SUSD6: variants seen among roughly 807,000 people sequenced by gnomAD.
SUSD6 encodes sushi domain containing 6.
SUSD6 carries 16 observed loss-of-function variants against 28.4 expected under a neutral mutation model. The observed-to-expected ratio is 0.56, with a 90% CI of 0.38 to 0.86. The LOEUF (loss-of-function observed/expected upper bound fraction) is 0.86. SUSD6 is among the 40% of genes least tolerant of loss of function. SUSD6 has a pLI of 0.00. For missense variants in SUSD6, 341 were observed against 384.2 expected (o/e 0.89, Z 0.94); for synonymous variants, 147 against 159.6 (o/e 0.92, Z 0.59).
At position 69,659,548 on chromosome 14, in the gene SUSD6, C is replaced by T. The variant is rs58658815; in HGVS notation, c.121+835C>T. ...TTGTTTGTTTGTTTTCAGAGAGTCT[C>T]ACCCTGTTGTCCAGGCTGGAGTGCA... is the stretch of plus-strand genomic sequence containing the variant. On this transcript the variant is annotated intron_variant, in intron 2 of 5. Transcript: ENST00000342745. Among the ~76,000 whole-genome samples, 1,136 of 152,272 alleles carry T rather than the reference C, an allele frequency of 7.5e-3. 20 individuals carry two copies. The highest frequency in any genetic ancestry group is 0.026 in the African/African-American group (1,078 of 41,540).
intron 2 of SUSD6, among the ~76,000 whole-genome samples, chr14:69,689,790 C>T (rs1400805182): frequency 2.6e-5 from 4 of 152,166 alleles, no homozygotes; most frequent in Admixed American, 6.5e-5. Flanking sequence ...CAAGCCCTCC[C>T]GAGTAGCTGG....
rs191943253 is a variant in SUSD6, at chr14:69,683,360, T to G, written c.122-20035T>G. ...GGTAAAGGTGGGCATTCTGCCCTTTTGAGGAGCTCATGAGGAGGACCATGT... is the reference window on the plus strand; with the variant it reads ...GGTAAAGGTGGGCATTCTGCCCTTTGGAGGAGCTCATGAGGAGGACCATGT... On this transcript the variant is annotated intron_variant, in intron 2 of 5. Transcript: ENST00000342745. Among the ~76,000 whole-genome samples the G allele has an allele frequency of 2.0e-5, 3 of 152,330 alleles. No homozygotes were observed. In the East Asian group the frequency reaches 5.8e-4, roughly 29 times the overall value.
At chr14:69,653,898 T>C (rs11620826) in intron 1 of SUSD6, among the ~76,000 whole-genome samples, 10,830 of 152,176 alleles carry the variant, frequency 0.071, 481 homozygotes, top group East Asian at 0.15. Flanking sequence ...GGTTCTCCCA[T>C]TCTGGGCAAT....
chr14:69,670,530 G>A (rs1258347620), intron 2 of SUSD6: 1 of 456,564 alleles, frequency 2.2e-6, no homozygotes, highest in Non-Finnish European at 4.4e-6. Context: ...ACGAGTATGG[G>A]GAGACAAGGT....
chr14:69,697,573 G>A (rs1196246423), intron 2 of SUSD6, among the ~76,000 whole-genome samples: 1 of 152,128 alleles, frequency 6.6e-6, no homozygotes, highest in African/African-American at 2.4e-5. Flanking sequence ...AAAATATTAA[G>A]ATTAATTTCA....
chr14:69,650,541 C>T lies in SUSD6; in HGVS notation c.-80-7972C>T, dbSNP rs1464391415. Among the ~76,000 whole-genome samples, 5 of 152,126 alleles carry T rather than the reference C, an allele frequency of 3.3e-5. No homozygotes were observed. In the East Asian group the frequency reaches 9.6e-4, roughly 29 times the overall value. ...AGCAAAGTGCTTGTCCAAGGTTGGC[C>T]CCTCAGTCATGTTGAAGCTGGGTTT... On this transcript the variant is annotated intron_variant, in intron 1 of 5. Transcript: ENST00000342745.
At position 69,703,517 on chromosome 14, in the gene SUSD6, G is replaced by A; in HGVS notation, c.244G>A (p.Gly82Ser). The A allele has an allele frequency of 6.2e-7, 1 of 1,614,180 alleles. No individual in the cohort carries two copies. The highest frequency in any genetic ancestry group is 8.5e-7 in the Non-Finnish European group (1 of 1,180,016). Reference sequence around the variant, plus strand: ...GTGTGCTGAAGGCTACATGTTGAAGGGCGATTACAAATACCTGACGTGTAA... The same window carrying A: ...GTGTGCTGAAGGCTACATGTTGAAGAGCGATTACAAATACCTGACGTGTAA... ...YLCAEGYMLK[G>S]DYKYLTCKNG... The change falls in exon 3 of 6, where the codon GGC (glycine) becomes AGC (serine). Residue 82 changes from glycine (G) to serine (S), a missense_variant. Gly to Ser is a moderately conservative substitution (Grantham distance 56). Coordinates refer to ENST00000342745, the MANE Select transcript of SUSD6 (RefSeq NM_014734.4).
intron 2 of SUSD6, among the ~76,000 whole-genome samples, chr14:69,698,414 C>T (rs1415419899): frequency 1.3e-5 from 2 of 152,194 alleles, no homozygotes; most frequent in African/African-American, 2.4e-5. Context: ...AGGCTGCATG[C>T]ATGTCACACT....
chr14:69,635,086 A>G (rs1450658988), intron 1 of SUSD6, among the ~76,000 whole-genome samples: 1 of 152,148 alleles, frequency 6.6e-6, no homozygotes, highest in Non-Finnish European at 1.5e-5. Context: ...AGATGATGAT[A>G]ATGTTGATGA....
At chr14:69,660,677 C>A (rs879317194) in intron 2 of SUSD6, among the ~76,000 whole-genome samples, 1 of 152,238 alleles carries the variant, frequency 6.6e-6, no homozygotes, top group Non-Finnish European at 1.5e-5. Flanking sequence ...TACCTGCCAT[C>A]TGCTTTTGTA....
intron 2 of SUSD6, among the ~76,000 whole-genome samples, chr14:69,669,179 G>A (rs916058285): frequency 3.4e-5 from 5 of 147,258 alleles, no homozygotes; most frequent in East Asian, 4.2e-4. Context: ...TTCTCCTGCC[G>A]CAGCCTCCCA....
chr14:69,611,779 G>C lies in SUSD6; in HGVS notation c.-130G>C, dbSNP rs1427215918. On this transcript the variant is annotated 5_prime_UTR_variant, in exon 1 of 6. Transcript: ENST00000342745. The stretch of plus-strand genomic sequence containing the variant: ...AGACTGCGGGCGCGCGCAAGCGGCG[G>C]CGTGGAAGCTGTGAGCGCCCCCATC... 6.6e-6 allele frequency: 1 copy of C among 151,594 alleles called. No individual in the cohort carries two copies. The highest frequency in any genetic ancestry group is 1.5e-5 in the Non-Finnish European group (1 of 67,802). The allele number at this position is 151,594 out of a possible 1,614,324, so 9.4% of individuals were successfully genotyped here.
Position 69,699,195 on chromosome 14 carries a change from T to TTTTTC in SUSD6, c.122-4180_122-4176dup, listed in dbSNP as rs199506196. 1.3e-4 allele frequency among the ~76,000 whole-genome samples: 20 copies of TTTTTC among 152,272 alleles called. 1 individual carries two copies. Among genetic ancestry groups the TTTTTC allele is most frequent in the South Asian group, 6.2e-4 (3 of 4,822 alleles). ...GAGGATCATATTTTTTCATGTGTTC[T>TTTTTC]TTTTCTTTTCTTTTCTTTTCTTTTT... On this transcript the variant is annotated intron_variant, in intron 2 of 5. Transcript: ENST00000342745.
intron 1 of SUSD6, among the ~76,000 whole-genome samples, chr14:69,614,181 C>T (rs887066267): frequency 6.6e-6 from 1 of 152,208 alleles, no homozygotes; most frequent in African/African-American, 2.4e-5. Context: ...GATTCTCTGC[C>T]TCAGCCTCCT....
intron 1 of SUSD6, among the ~76,000 whole-genome samples, chr14:69,628,485 A>T (rs1330965661): frequency 6.6e-6 from 1 of 152,184 alleles, no homozygotes; most frequent in Non-Finnish European, 1.5e-5. Context: ...ACCTAGAAGG[A>T]GTGTCTATAT....
intron 3 of SUSD6, 105 bp downstream of exon 3, chr14:69,703,697 C>A: frequency 9.8e-7 from 1 of 1,016,214 alleles, no homozygotes. Flanking sequence ...TGTGGTGCAG[C>A]CCAGCCCCAG....
chr14:69,707,533 A>G (rs1292566989), intron 4 of SUSD6, among the ~76,000 whole-genome samples: 13 of 152,168 alleles, frequency 8.5e-5, no homozygotes, highest in Admixed American at 8.5e-4. Context: ...AGGTGAGAGG[A>G]TTGCCTGAGC....
Position 69,711,070 on chromosome 14 carries a change from C to T in SUSD6, c.*91C>T, listed in dbSNP as rs1337391707. On this transcript the variant is annotated 3_prime_UTR_variant, in exon 6 of 6. Coordinates refer to ENST00000342745, the MANE Select transcript of SUSD6 (RefSeq NM_014734.4). ...TGAGCACCCTGTACTCTCCAGCCAC[C>T]TTACCTGGATACCTGAGCTGCCACC... 9 of 1,319,350 alleles carry T rather than the reference C, an allele frequency of 6.8e-6. No homozygotes were observed. The highest frequency in any genetic ancestry group is 9.8e-6 in the Non-Finnish European group (9 of 914,088). 81.7% of individuals were successfully genotyped at this position (1,319,350 alleles called of 1,614,324 possible).
rs1886481079 is a variant in SUSD6, at chr14:69,712,619, C to G, written c.*1640C>G. The G allele has an allele frequency of 6.6e-6, 1 of 152,206 alleles. No individual in the cohort carries two copies. Among genetic ancestry groups the G allele is most frequent in the Non-Finnish European group, 1.5e-5 (1 of 68,112 alleles). 9.4% of individuals were successfully genotyped at this position (152,206 alleles called of 1,614,324 possible). A position where few individuals can be genotyped will look rare whatever the true frequency, so the allele number is the denominator to read the frequency against. ...AGTACCTTACCTAACAGGGTTGGCT[C>G]CAGGCGTGGGTGGCCTAGAAGATGA... On this transcript the variant is annotated 3_prime_UTR_variant, in exon 6 of 6. Coordinates refer to ENST00000342745, the MANE Select transcript of SUSD6 (RefSeq NM_014734.4).
Sources: gnomAD v4.1 joint callset for allele counts (sites outside exome capture counted in the v4.1 genomes callset) on GRCh38, gnomAD v4.1.1 for gene constraint, MANE v1.5 for transcripts, NCBI Gene and HGNC (gene_info 2026-07-23, HGNC 2026-07-21) for gene names.